MACROD2: variants seen among roughly 807,000 people sequenced by gnomAD.
The protein encoded by MACROD2 is ADP-ribose glycohydrolase MACROD2.
Under a neutral mutation model 70.4 loss-of-function variants are expected in MACROD2, and 36 were observed. That is an observed-to-expected ratio of 0.51 (90% CI 0.39 to 0.68). The LOEUF is 0.68. MACROD2 is among the 30% of genes least tolerant of loss of function. MACROD2 has a pLI of 0.00. For synonymous variants in MACROD2, 172 were observed against 178.8 expected (o/e 0.96, Z 0.30); for missense variants, 496 against 538.4 (o/e 0.92, Z 0.78).
rs148916582 is a variant in MACROD2 at position 15,827,849 on chromosome 20, C to G, written c.646-34896C>G. 4.1e-3 allele frequency among the ~76,000 whole-genome samples: 631 copies of G among 152,308 alleles called. 13 individuals are homozygous for G. The highest frequency in any genetic ancestry group is 0.037 in the Admixed American group (569 of 15,294). ...AATGTGCATCTCCACAGCAATGGAG[C>G]AAGTTCACCTGCCTGAAGAATTGAC... On this transcript the variant is annotated intron_variant, in intron 8 of 17. Coordinates refer to ENST00000684519, the MANE Select transcript of MACROD2 (RefSeq NM_001351661.2).
At chr20:14,176,932 T>C (rs2081267372) in intron 3 of MACROD2, among the ~76,000 whole-genome samples, 1 of 152,180 alleles carries the variant, frequency 6.6e-6, no homozygotes. Flanking sequence ...ACCATTCCTG[T>C]TGAAACAAAG....
intron 8 of MACROD2, among the ~76,000 whole-genome samples, chr20:15,511,242 A>C (rs1004816088): frequency 2.0e-5 from 3 of 152,204 alleles, no homozygotes; most frequent in Non-Finnish European, 4.4e-5. Flanking sequence ...AAAATATTTA[A>C]ATGATATCAT....
At chr20:15,518,845 A>G (rs1268518800) in intron 8 of MACROD2, among the ~76,000 whole-genome samples, 2 of 152,202 alleles carry the variant, frequency 1.3e-5, no homozygotes, top group Non-Finnish European at 2.9e-5. Context: ...CAAACAATAA[A>G]AAAAAGTCTT....
At chr20:14,844,431 C>T (rs369127095) in intron 5 of MACROD2, among the ~76,000 whole-genome samples, 3 of 151,970 alleles carry the variant, frequency 2.0e-5, no homozygotes, top group East Asian at 1.9e-4. Context: ...ACGGGAGAAT[C>T]GCTTGAACCC....
chr20:14,996,281 C>G (rs547200556), intron 5 of MACROD2, among the ~76,000 whole-genome samples: 10 of 152,226 alleles, frequency 6.6e-5, no homozygotes, highest in African/African-American at 2.2e-4. Context: ...ATGGGAACTT[C>G]CGGAGGTCAG....
chr20:14,576,220 G>A (rs1038531246), intron 4 of MACROD2, among the ~76,000 whole-genome samples: 1 of 152,152 alleles, frequency 6.6e-6, no homozygotes, highest in Non-Finnish European at 1.5e-5. Context: ...TATGCTGCTT[G>A]AGCAGAGGCT....
rs1000749185 is a variant in MACROD2 at position 14,802,645 on chromosome 20, G to C, written c.418+117686G>C. 6.6e-5 allele frequency among the ~76,000 whole-genome samples: 10 copies of C among 151,856 alleles called. 1 individual carries two copies. The highest frequency in any genetic ancestry group is 1.3e-4 in the Non-Finnish European group (9 of 67,958). ...GCATACCTTCTATGAAGTAAATAAT[G>C]ATGAGGCAAAATAATAATTGTTCCA... On this transcript the variant is annotated intron_variant, in intron 5 of 17. Coordinates refer to ENST00000684519, the MANE Select transcript of MACROD2 (RefSeq NM_001351661.2).
chr20:14,011,264 C>G (rs112636918), intron 2 of MACROD2, among the ~76,000 whole-genome samples: 2,913 of 152,140 alleles, frequency 0.019, 38 homozygotes, highest in Non-Finnish European at 0.032. Context: ...ATTATCTAGG[C>G]CTTTCTTGTA....
At chr20:15,089,964 A>C (rs1385528573) in intron 5 of MACROD2, among the ~76,000 whole-genome samples, 1 of 152,098 alleles carries the variant, frequency 6.6e-6, no homozygotes, top group East Asian at 1.9e-4. Flanking sequence ...TAGCCATATG[A>C]AACAAGAGCA....
chr20:15,122,525 T>C (rs956267325), intron 5 of MACROD2, among the ~76,000 whole-genome samples: 10 of 152,224 alleles, frequency 6.6e-5, no homozygotes, highest in Non-Finnish European at 7.3e-5. Flanking sequence ...AATTATTTGA[T>C]TAAATAGCAT....
chr20:15,935,563 C>A (rs2065646076), intron 11 of MACROD2, among the ~76,000 whole-genome samples: 1 of 152,168 alleles, frequency 6.6e-6, no homozygotes, highest in South Asian at 2.1e-4. Flanking sequence ...TATAGCTCTG[C>A]AGGCCTCTTA....
chr20:15,007,389 A>AG (rs151122793), intron 5 of MACROD2, among the ~76,000 whole-genome samples: 3 of 151,460 alleles, frequency 2.0e-5, no homozygotes, highest in South Asian at 2.1e-4. Context: ...CAAAAAAAAA[A>AG]CACAAAAAAG....
At chr20:14,313,929 A>T (rs2082589952) in intron 3 of MACROD2, among the ~76,000 whole-genome samples, 1 of 152,208 alleles carries the variant, frequency 6.6e-6, no homozygotes, top group Non-Finnish European at 1.5e-5. Context: ...TGCCTGAGAC[A>T]TGTACCTGGC....
chr20:14,827,943 C>A (rs1025825981), intron 5 of MACROD2, among the ~76,000 whole-genome samples: 1 of 151,984 alleles, frequency 6.6e-6, no homozygotes, highest in Non-Finnish European at 1.5e-5. Context: ...AAACACTACA[C>A]TCTATTCATA....
chr20:14,022,813 A>G (rs2053107048), intron 2 of MACROD2, among the ~76,000 whole-genome samples: 1 of 152,178 alleles, frequency 6.6e-6, no homozygotes, highest in Non-Finnish European at 1.5e-5. Context: ...CATACTGTAT[A>G]TGTGCCACAT....
intron 3 of MACROD2, among the ~76,000 whole-genome samples, chr20:14,257,683 T>C (rs999493901): frequency 1.3e-5 from 2 of 152,224 alleles, no homozygotes; most frequent in African/African-American, 4.8e-5. Context: ...AATTTATTTT[T>C]ATATGAAGGA....
chr20:14,293,765 A>G (rs2082404902), intron 3 of MACROD2, among the ~76,000 whole-genome samples: 1 of 151,902 alleles, frequency 6.6e-6, no homozygotes, highest in African/African-American at 2.4e-5. Flanking sequence ...GATCACCAAG[A>G]AGGACATTAT....
chr20:15,139,137 A>G (rs1958015745), intron 5 of MACROD2, among the ~76,000 whole-genome samples: 1 of 152,186 alleles, frequency 6.6e-6, no homozygotes, highest in Non-Finnish European at 1.5e-5. Context: ...TGTGAATATC[A>G]TCTGCTCATC....
intron 8 of MACROD2, among the ~76,000 whole-genome samples, chr20:15,553,332 C>A (rs553636957): frequency 6.6e-6 from 1 of 152,260 alleles, no homozygotes; most frequent in African/African-American, 2.4e-5. Context: ...TAGAGGAAGT[C>A]CCATTACTGC....
Sources: allele counts gnomAD v4.1 joint callset (sites outside exome capture counted in the v4.1 genomes callset), GRCh38; gene constraint gnomAD v4.1.1; transcripts MANE v1.5; gene names NCBI Gene and HGNC (gene_info 2026-07-23, HGNC 2026-07-21).